GRIP1: variants seen among roughly 807,000 people sequenced by gnomAD.
GRIP1 encodes glutamate receptor interacting protein 1.
GRIP1 carries 45 observed loss-of-function variants against 129.9 expected under a neutral mutation model. The ratio of observed to expected loss-of-function variants is 0.35; its 90% CI spans 0.27 to 0.44. GRIP1 has a LOEUF of 0.44. Ranked by LOEUF, GRIP1 falls within the 20% of genes least tolerant of loss-of-function variation. The pLI is 1.00. For missense variants in GRIP1, 1,196 were observed against 1,396.8 expected (o/e 0.86, Z 2.29); for synonymous variants, 530 against 520.8 (o/e 1.02, Z -0.24).
intron 1 of GRIP1, among the ~76,000 whole-genome samples, chr12:67,068,770 T>C (rs2043677389): frequency 8.7e-6 from 1 of 115,390 alleles, no homozygotes; most frequent in South Asian, 2.9e-4. Flanking sequence ...GAGTTTCCCC[T>C]ACATCCTCGC....
At chr12:66,451,080 G>A (rs796423435) in intron 11 of GRIP1, among the ~76,000 whole-genome samples, 3 of 152,244 alleles carry the variant, frequency 2.0e-5, no homozygotes, top group African/African-American at 7.2e-5. Context: ...CTAAATTGCT[G>A]ACATCCTAAC....
At chr12:66,423,563 T>G (rs559638921) in intron 14 of GRIP1, among the ~76,000 whole-genome samples, 7 of 152,190 alleles carry the variant, frequency 4.6e-5, no homozygotes, top group African/African-American at 1.4e-4. Flanking sequence ...TTGATTGGAG[T>G]TCTCCACAGA....
intron 7 of GRIP1, among the ~76,000 whole-genome samples, chr12:66,478,123 T>A (rs2059680504): frequency 1.3e-5 from 2 of 152,186 alleles, no homozygotes; most frequent in African/African-American, 4.8e-5. Context: ...TTTTGCAATC[T>A]ACCCATCTGA....
At chr12:66,493,534 A>G (rs570571828) in intron 7 of GRIP1, among the ~76,000 whole-genome samples, 20 of 152,176 alleles carry the variant, frequency 1.3e-4, no homozygotes, top group Non-Finnish European at 2.9e-4. Flanking sequence ...ACTTTATGCC[A>G]CTGGAACATA....
intron 1 of GRIP1, among the ~76,000 whole-genome samples, chr12:66,744,454 T>C (rs1238647964): frequency 6.6e-6 from 1 of 152,176 alleles, no homozygotes; most frequent in East Asian, 1.9e-4. Context: ...TGGTTCCTCT[T>C]TCTCCATGAA....
intron 1 of GRIP1, among the ~76,000 whole-genome samples, chr12:66,760,920 T>C (rs919787558): frequency 5.3e-5 from 8 of 151,776 alleles, no homozygotes; most frequent in Non-Finnish European, 1.0e-4. Context: ...GTGTGTCAGA[T>C]AGGTAGTGGA....
chr12:66,475,542 A>C (rs1356365573), intron 7 of GRIP1, among the ~76,000 whole-genome samples: 3 of 152,174 alleles, frequency 2.0e-5, no homozygotes, highest in Non-Finnish European at 4.4e-5. Flanking sequence ...TCAGCACCAC[A>C]CTGCACCTAT....
intron 13 of GRIP1, among the ~76,000 whole-genome samples, chr12:66,435,236 C>G (rs1053761019): frequency 6.9e-6 from 1 of 144,258 alleles, no homozygotes; most frequent in African/African-American, 2.6e-5. Context: ...GGTTCTCACT[C>G]TGTCACCCAG....
chr12:66,520,598 T>G (rs1193494863), intron 5 of GRIP1, among the ~76,000 whole-genome samples: 4 of 152,208 alleles, frequency 2.6e-5, no homozygotes, highest in Non-Finnish European at 5.9e-5. Flanking sequence ...GGCAGTATTC[T>G]AAGCTCACAT....
At chr12:66,679,487 G>A (rs375784931), upstream of GRIP1, among the ~76,000 whole-genome samples, 228 of 150,790 alleles carry the variant, frequency 1.5e-3, 2 homozygotes, top group African/African-American at 5.3e-3. Flanking sequence ...AGGGAGGGCC[G>A]TTTATATTTG....
rs187047716 is a variant in GRIP1, at chr12:66,697,093, T to A, written c.-419-66757A>T. 2.7e-5 allele frequency among the ~76,000 whole-genome samples: 4 copies of A among 148,098 alleles called. No homozygotes were observed. In the East Asian group the frequency reaches 7.7e-4, roughly 29 times the overall value. On this transcript the variant is annotated intron_variant, in intron 1 of 4. Transcript: ENST00000538373. ...CATATAGCAGGTGCTTTATAAACAT[T>A]TGGTAGTGAATGAATGAAGGAACAA...
intron 1 of GRIP1, among the ~76,000 whole-genome samples, chr12:66,846,043 G>A (rs775712436): frequency 3.3e-5 from 5 of 152,070 alleles, no homozygotes; most frequent in East Asian, 3.8e-4. Context: ...TCTCATGCCC[G>A]CTATTCTCTT....
chr12:66,531,255 ATATAT>A (rs1565833797), intron 4 of GRIP1, among the ~76,000 whole-genome samples: 381 of 4,728 alleles, frequency 0.081, 6 homozygotes, highest in Non-Finnish European at 0.098. Context: ...AAAAAAAAAT[ATATAT>A]ATATATATAT....
chr12:66,393,573 A>T (rs919214171), intron 17 of GRIP1, among the ~76,000 whole-genome samples: 1 of 152,130 alleles, frequency 6.6e-6, no homozygotes, highest in Non-Finnish European at 1.5e-5. Flanking sequence ...GGAACAATGC[A>T]TTTGTGTATT....
chr12:66,357,285 C>T (rs769180924), intron 23 of GRIP1, among the ~76,000 whole-genome samples: 5 of 152,184 alleles, frequency 3.3e-5, no homozygotes, highest in African/African-American at 7.2e-5. Flanking sequence ...GGTGGGTTCT[C>T]GTCCTTCCCC....
intron 1 of GRIP1, among the ~76,000 whole-genome samples, chr12:67,017,595 T>C (rs986306817): frequency 6.6e-6 from 1 of 152,130 alleles, no homozygotes; most frequent in Non-Finnish European, 1.5e-5. Context: ...AAAGGCGGAC[T>C]CTCTTTCCCT....
intron 1 of GRIP1, among the ~76,000 whole-genome samples, chr12:66,761,627 T>C (rs1346807439): frequency 2.0e-5 from 3 of 152,186 alleles, no homozygotes; most frequent in Non-Finnish European, 4.4e-5. Context: ...ACTGAAAGCT[T>C]CTCAAGGACA....
chr12:66,823,695 C>A (rs540880843), intron 1 of GRIP1, among the ~76,000 whole-genome samples: 2 of 152,214 alleles, frequency 1.3e-5, no homozygotes, highest in Admixed American at 6.5e-5. Flanking sequence ...ACCAGGAAAT[C>A]ATTTCTCTAT....
At chr12:66,715,722 T>G (rs1056246150) in intron 1 of GRIP1, among the ~76,000 whole-genome samples, 1 of 152,028 alleles carries the variant, frequency 6.6e-6, no homozygotes, top group Admixed American at 6.6e-5. Context: ...AAATATGTAG[T>G]AATTGGGAAT....
Sources: gnomAD v4.1 joint callset for allele counts (sites outside exome capture counted in the v4.1 genomes callset) on GRCh38, gnomAD v4.1.1 for gene constraint, MANE v1.5 for transcripts, NCBI Gene and HGNC (gene_info 2026-07-23, HGNC 2026-07-21) for gene names.